ZNF385B: variants seen among roughly 807,000 people sequenced by gnomAD.
The protein encoded by ZNF385B is zinc finger protein 533.
In ZNF385B, 23 loss-of-function variants were observed where a neutral mutation model predicts 39.2. The observed-to-expected ratio is 0.59, with a 90% CI of 0.42 to 0.83. The LOEUF is 0.83. Among genes scored for constraint, ZNF385B ranks in the 40% least tolerant of loss-of-function variants. ZNF385B has a pLI of 0.00. For synonymous variants in ZNF385B, 205 were observed against 222.6 expected, an observed-to-expected ratio of 0.92 and a Z score of 0.70; for missense variants, 552 against 598.9, an observed-to-expected ratio of 0.92 and a Z score of 0.82.
At chr2:179,664,531 A>T (rs914353692) in intron 3 of ZNF385B, among the ~76,000 whole-genome samples, 22 of 152,200 alleles carry the variant, frequency 1.4e-4, no homozygotes, top group African/African-American at 5.3e-4. Flanking sequence ...AAAATCCAGA[A>T]GAGAAAAATA....
Position 179,830,246 on chromosome 2 carries a change from G to A in ZNF385B, c.-155+30855C>T, listed in dbSNP as rs190950775. On this transcript the variant is annotated intron_variant, in intron 1 of 9. Coordinates refer to ENST00000410066, the MANE Select transcript of ZNF385B (RefSeq NM_152520.6). ...CCATACTGTATGCTGGTAAGGATGT[G>A]GAGAAACAGATACTCTCATTCATTG... 2.0e-3 allele frequency among the ~76,000 whole-genome samples: 307 copies of A among 152,314 alleles called. 4 individuals are homozygous for A. The highest frequency in any genetic ancestry group is 5.4e-4 in the Non-Finnish European group (37 of 68,022).
intron 3 of ZNF385B, among the ~76,000 whole-genome samples, chr2:179,705,217 G>A (rs775136672): frequency 3.3e-5 from 5 of 151,914 alleles, no homozygotes; most frequent in Non-Finnish European, 7.4e-5. Flanking sequence ...CCCTCTCAAT[G>A]AGTACCACTC....
At chr2:179,568,631 T>C (rs1486047594) in intron 3 of ZNF385B, among the ~76,000 whole-genome samples, 1 of 152,250 alleles carries the variant, frequency 6.6e-6, no homozygotes, top group East Asian at 1.9e-4. Context: ...TGGTATTTCA[T>C]TATCACAGCA....
intron 3 of ZNF385B, among the ~76,000 whole-genome samples, chr2:179,626,236 C>A (rs1182864930): frequency 1.3e-5 from 2 of 152,058 alleles, no homozygotes; most frequent in East Asian, 3.9e-4. Context: ...TTCTTAGGAG[C>A]CACTGAATTT....
chr2:179,444,703 T>A (rs2049292707), intron 9 of ZNF385B, among the ~76,000 whole-genome samples, 173 bp downstream of exon 9: 1 of 152,224 alleles, frequency 6.6e-6, no homozygotes, highest in Non-Finnish European at 1.5e-5. Flanking sequence ...GTTTTCTAAG[T>A]AAGTTGCCCT....
chr2:179,459,685 CTATT>C (rs1013416755), intron 6 of ZNF385B, among the ~76,000 whole-genome samples: 8 of 150,718 alleles, frequency 5.3e-5, no homozygotes, highest in South Asian at 2.1e-4. Flanking sequence ...ATTTATAAGT[CTATT>C]TATTAAATAA....
intron 5 of ZNF385B, among the ~76,000 whole-genome samples, chr2:179,497,089 T>C (rs1374107176): frequency 2.0e-5 from 3 of 152,020 alleles, no homozygotes; most frequent in Admixed American, 6.6e-5. Flanking sequence ...AAACAAAGAC[T>C]TTCCCAGACA....
rs139048240 is a variant in ZNF385B, at chr2:179,644,781, G to A, written c.299-99812C>T. On this transcript the variant is annotated intron_variant, in intron 3 of 9. Coordinates refer to ENST00000410066, the MANE Select transcript of ZNF385B (RefSeq NM_152520.6). Reference sequence around the variant, plus strand: ...TTACTCACAGACTCCATCACTTGCTGTGTCTCCTTTTTCTTATTTTCCTAA... The same window carrying A: ...TTACTCACAGACTCCATCACTTGCTATGTCTCCTTTTTCTTATTTTCCTAA... 4.6e-5 allele frequency among the ~76,000 whole-genome samples: 7 copies of A among 152,206 alleles called. 1 individual carries two copies. In the East Asian group the frequency reaches 1.4e-3, roughly 29 times the overall value.
chr2:179,696,192 C>G (rs1480640203), intron 3 of ZNF385B, among the ~76,000 whole-genome samples: 1 of 151,932 alleles, frequency 6.6e-6, no homozygotes, highest in South Asian at 2.1e-4. Flanking sequence ...TATTGTAAAA[C>G]TTACTGTGGT....
chr2:179,634,039 C>T (rs1034421508), intron 3 of ZNF385B, among the ~76,000 whole-genome samples: 1 of 152,134 alleles, frequency 6.6e-6, no homozygotes, highest in Non-Finnish European at 1.5e-5. Context: ...CTTCCTTACA[C>T]CTTATACAAA....
chr2:179,725,908 G>GTATATATATATATATATATA lies in ZNF385B; in HGVS notation c.298+43594_298+43595insTATATATATATATATATATA, dbSNP rs200614511. ...TATATATGAATATATGTGTTTGTGTGTGTATATATATATATATATATATAT... is the reference window on the plus strand; with the variant it reads ...TATATATGAATATATGTGTTTGTGTGTATATATATATATATATATATGTATATATATATATATATATATAT... On this transcript the variant is annotated intron_variant, in intron 3 of 9. Coordinates refer to ENST00000410066, the MANE Select transcript of ZNF385B (RefSeq NM_152520.6). 3.6e-5 allele frequency among the ~76,000 whole-genome samples: 4 copies of GTATATATATATATATATATA among 111,092 alleles called. No homozygotes were observed. In the South Asian group the frequency reaches 1.0e-3, roughly 28 times the overall value. 72.9% of individuals were successfully genotyped at this position (111,092 alleles called of 152,430 possible).
At chr2:179,815,600 T>C (rs1025499526) in intron 1 of ZNF385B, among the ~76,000 whole-genome samples, 9 of 152,224 alleles carry the variant, frequency 5.9e-5, no homozygotes, top group Non-Finnish European at 1.2e-4. Context: ...TCTTTTAACA[T>C]GTCTATGCCA....
chr2:179,490,821 T>G (rs1465105148), intron 5 of ZNF385B, among the ~76,000 whole-genome samples: 1 of 152,144 alleles, frequency 6.6e-6, no homozygotes, highest in Non-Finnish European at 1.5e-5. Flanking sequence ...AGTTTGGGGT[T>G]GAGTAGCACA....
chr2:179,472,764 C>A (rs560254314), intron 6 of ZNF385B, among the ~76,000 whole-genome samples: 58 of 152,274 alleles, frequency 3.8e-4, no homozygotes, highest in African/African-American at 1.3e-3. Flanking sequence ...TCATACCCCC[C>A]CTCCCTAGCC....
intron 3 of ZNF385B, among the ~76,000 whole-genome samples, chr2:179,612,660 C>G (rs1161311313): frequency 6.6e-6 from 1 of 152,182 alleles, no homozygotes; most frequent in Non-Finnish European, 1.5e-5. Context: ...TGGGACTGCG[C>G]TGTGTCAGAC....
At chr2:179,696,326 C>CTTTTTTTTTTT (rs71029828) in intron 3 of ZNF385B, among the ~76,000 whole-genome samples, 927 of 40,346 alleles carry the variant, frequency 0.023, 375 homozygotes, top group Non-Finnish European at 0.029. Context: ...CAAACTGGGA[C>CTTTTTTTTTTT]TTTTTTTTTT....
intron 1 of ZNF385B, among the ~76,000 whole-genome samples, chr2:179,798,732 T>C (rs1295195467): frequency 6.6e-6 from 1 of 152,148 alleles, no homozygotes; most frequent in East Asian, 1.9e-4. Flanking sequence ...CAAATTACTG[T>C]GGTTAAAGCT....
At chr2:179,684,185 T>C (rs1697750495) in intron 3 of ZNF385B, among the ~76,000 whole-genome samples, 1 of 152,220 alleles carries the variant, frequency 6.6e-6, no homozygotes, top group African/African-American at 2.4e-5. Context: ...TCATAAAGAA[T>C]ATCAGTGACT....
At chr2:179,549,807 CA>C (rs1390239046) in intron 3 of ZNF385B, among the ~76,000 whole-genome samples, 1 of 149,330 alleles carries the variant, frequency 6.7e-6, no homozygotes, top group African/African-American at 2.5e-5. Context: ...GTCTTCAGGT[CA>C]GCCCCATCCA....
Sources: allele counts gnomAD v4.1 joint callset (sites outside exome capture counted in the v4.1 genomes callset), GRCh38; gene constraint gnomAD v4.1.1; transcripts MANE v1.5; gene names NCBI Gene and HGNC (gene_info 2026-07-23, HGNC 2026-07-21).